SFMBT2: variants seen among roughly 807,000 people sequenced by gnomAD.
SFMBT2 encodes Scm like with four mbt domains 2.
Under a neutral mutation model 110.1 loss-of-function variants are expected in SFMBT2, and 38 were observed. That is an observed-to-expected ratio of 0.35 (90% confidence interval 0.27 to 0.45). SFMBT2 has a LOEUF of 0.45. Ranked by LOEUF, SFMBT2 falls within the 20% of genes least tolerant of loss-of-function variation. The pLI, the probability that SFMBT2 is intolerant of heterozygous loss-of-function variation, is 1.00. For missense variants in SFMBT2, 1,011 were observed against 1,094.9 expected, an observed-to-expected ratio of 0.92 and a Z score of 1.08; for synonymous variants, 425 against 425.4, an observed-to-expected ratio of 1.00 and a Z score of 0.01.
intron 11 of SFMBT2, chr10:7,206,181 AAG>A: frequency 1.0e-6 from 1 of 985,434 alleles, no homozygotes; most frequent in South Asian, 4.7e-5. Flanking sequence ...GGTTTGGAAA[AAG>A]AGAGATACTC....
At position 7,170,290 on chromosome 10, in the gene SFMBT2, T is replaced by C. The variant is rs1007486499; in HGVS notation, c.2544+638A>G. 5.3e-5 allele frequency among the ~76,000 whole-genome samples: 8 copies of C among 152,204 alleles called. No individual in the cohort carries two copies. Among genetic ancestry groups the C allele is most frequent in the African/African-American group, 1.9e-4 (8 of 41,456 alleles). On this transcript the variant is annotated intron_variant, in intron 20 of 20. Transcript: ENST00000397167. The surrounding 1 kb of genome is among the most constrained non-coding windows in gnomAD (Gnocchi z 4.6). Reference sequence around the variant, plus strand: ...GCAACCCAGATTTGCCAAAAGGCACTGACAGGAGGCTCAACCAAAACCAGT... The same window carrying C: ...GCAACCCAGATTTGCCAAAAGGCACCGACAGGAGGCTCAACCAAAACCAGT...
chr10:7,310,463 GAAAC>G (rs1428720606), intron 4 of SFMBT2, among the ~76,000 whole-genome samples: 1 of 152,156 alleles, frequency 6.6e-6, no homozygotes, highest in African/African-American at 2.4e-5. Context: ...AGCAATGAAA[GAAAC>G]AGACAGTGAT....
intron 15 of SFMBT2, chr10:7,189,364 A>G (rs1238238722): frequency 5.8e-6 from 1 of 172,406 alleles, no homozygotes; most frequent in East Asian, 1.9e-4. Context: ...CAAGAAAACA[A>G]GCATGTGTCT....
chr10:7,375,247 G>A (rs1340950854), intron 2 of SFMBT2, among the ~76,000 whole-genome samples: 1 of 152,208 alleles, frequency 6.6e-6, no homozygotes, highest in East Asian at 1.9e-4. Flanking sequence ...AAGCTGGAGT[G>A]TAAGTGACGT....
chr10:7,178,366 G>C (rs756849657), intron 16 of SFMBT2, among the ~76,000 whole-genome samples: 2 of 152,168 alleles, frequency 1.3e-5, no homozygotes, highest in Non-Finnish European at 2.9e-5. Flanking sequence ...CTAGGAAAAC[G>C]AGAGTTCTGG....
intron 7 of SFMBT2, among the ~76,000 whole-genome samples, chr10:7,256,484 C>T (rs946908005): frequency 1.3e-5 from 2 of 152,208 alleles, no homozygotes; most frequent in African/African-American, 4.8e-5. Flanking sequence ...TGAGTGCATT[C>T]CAGTCCTAAA....
In SFMBT2 at chr10:7,300,682, G is replaced by A. The variant is rs988415286; in HGVS notation, c.437-14728C>T. On this transcript the variant is annotated intron_variant, in intron 4 of 20. Coordinates refer to ENST00000397167, the MANE Select transcript of SFMBT2 (RefSeq NM_001387889.1). ...GTGAGGATGGAAAAGCATTACTCTT[G>A]TTCAAACTTTCTCCTCCAGGCCCAG... Among the ~76,000 whole-genome samples, 34 of 152,280 alleles carry A rather than the reference G, an allele frequency of 2.2e-4. 1 individual carries two copies. Among genetic ancestry groups the A allele is most frequent in the Admixed American group, 1.8e-3 (28 of 15,296 alleles).
At chr10:7,388,209 T>G (rs1256230083) in intron 1 of SFMBT2, among the ~76,000 whole-genome samples, 3 of 151,012 alleles carry the variant, frequency 2.0e-5, no homozygotes, top group African/African-American at 7.3e-5. Context: ...TCATCCTAAT[T>G]GGGAGAAAGA....
At chr10:7,199,170 G>C (rs1838872742) in intron 14 of SFMBT2, among the ~76,000 whole-genome samples, 2 of 152,018 alleles carry the variant, frequency 1.3e-5, no homozygotes. Context: ...GTAGAGACAA[G>C]GTCTCACCAT....
intron 9 of SFMBT2, among the ~76,000 whole-genome samples, chr10:7,234,229 C>T (rs1840192285): frequency 6.6e-6 from 1 of 152,000 alleles, no homozygotes; most frequent in African/African-American, 2.4e-5. Flanking sequence ...AACAAACAAA[C>T]AGAAAATAAG....
At position 7,211,254 on chromosome 10, in the gene SFMBT2, A is replaced by G. The variant is rs937489319; in HGVS notation, c.1331-5326T>C. The stretch of plus-strand genomic sequence containing the variant: ...TAGGGCCCCATACAGTTCTTGCAGA[A>G]TTCCCACCATGTAGTAGCTGTTGCC... On this transcript the variant is annotated intron_variant, in intron 11 of 20. Coordinates refer to ENST00000397167, the MANE Select transcript of SFMBT2 (RefSeq NM_001387889.1). Among the ~76,000 whole-genome samples the G allele has an allele frequency of 8.5e-5, 13 of 152,124 alleles. No homozygotes were observed. In the East Asian group the frequency reaches 2.3e-3, roughly 27 times the overall value.
chr10:7,216,715 C>A (rs1839554440), intron 11 of SFMBT2, among the ~76,000 whole-genome samples: 1 of 152,122 alleles, frequency 6.6e-6, no homozygotes, highest in Non-Finnish European at 1.5e-5. Context: ...CTGATGAGGG[C>A]CTCAGTGTCA....
intron 9 of SFMBT2, among the ~76,000 whole-genome samples, chr10:7,234,554 T>G (rs1043476189): frequency 1.3e-5 from 2 of 152,146 alleles, no homozygotes; most frequent in African/African-American, 4.8e-5. Flanking sequence ...ATCAGAAGTA[T>G]TTTCAGATAT....
At chr10:7,222,951 T>C (rs1564392163) in intron 10 of SFMBT2, among the ~76,000 whole-genome samples, 1 of 152,202 alleles carries the variant, frequency 6.6e-6, no homozygotes, top group Non-Finnish European at 1.5e-5. Flanking sequence ...CCACTGAGCC[T>C]GGCCCCCTCT....
At chr10:7,221,075 C>T (rs541714165) in intron 10 of SFMBT2, among the ~76,000 whole-genome samples, 2 of 151,380 alleles carry the variant, frequency 1.3e-5, no homozygotes, top group South Asian at 4.2e-4. Flanking sequence ...ATCCACCTGC[C>T]TCAGCCTCCC....
intron 4 of SFMBT2, among the ~76,000 whole-genome samples, chr10:7,294,409 C>T (rs1013738967): frequency 2.0e-5 from 3 of 152,190 alleles, no homozygotes; most frequent in Admixed American, 1.3e-4. Flanking sequence ...CAGAACCCAC[C>T]TTGCATTGTA....
chr10:7,313,514 C>T (rs563924066), intron 4 of SFMBT2, among the ~76,000 whole-genome samples: 7 of 152,324 alleles, frequency 4.6e-5, no homozygotes, highest in South Asian at 4.1e-4. Context: ...GACAGAGTTT[C>T]GCCATGTTGC....
At chr10:7,312,971 T>C (rs1384489689) in intron 4 of SFMBT2, among the ~76,000 whole-genome samples, 1 of 152,008 alleles carries the variant, frequency 6.6e-6, no homozygotes, top group East Asian at 1.9e-4. Context: ...AGGATTGGGG[T>C]GCTCCATCCA....
chr10:7,187,971 C>T (rs989917309), intron 16 of SFMBT2, among the ~76,000 whole-genome samples: 1 of 152,196 alleles, frequency 6.6e-6, no homozygotes, highest in Non-Finnish European at 1.5e-5. Context: ...ATAAAATTAT[C>T]TTAGAAACGG....
Sources: allele counts gnomAD v4.1 joint callset (sites outside exome capture counted in the v4.1 genomes callset), GRCh38; gene constraint gnomAD v4.1.1; non-coding constraint Gnocchi (gnomAD v3.1); transcripts MANE v1.5; gene names NCBI Gene and HGNC (gene_info 2026-07-23, HGNC 2026-07-21).